Variants in PPARG observed in about 807,000 individuals in gnomAD.
The protein encoded by PPARG is peroxisome proliferator activated receptor gamma, also known as peroxisome proliferator-activated receptor gamma.
In PPARG, 17 loss-of-function variants were observed where a neutral mutation model predicts 39.2. That is an observed-to-expected ratio of 0.43 (90% CI 0.30 to 0.65). The LOEUF (loss-of-function observed/expected upper bound fraction) is 0.65, where lower values mean the gene tolerates loss of function less well. PPARG is among the 30% of genes least tolerant of loss of function. The pLI, the probability that PPARG is intolerant of heterozygous loss-of-function variation, is 0.13. For missense variants in PPARG, 406 were observed against 585.9 expected, an observed-to-expected ratio of 0.69 and a Z score of 3.17; for synonymous variants, 223 against 215.7, an observed-to-expected ratio of 1.03 and a Z score of -0.30.
chr3:12,411,734 C>T (rs2050885146), intron 6 of PPARG, among the ~76,000 whole-genome samples: 1 of 151,996 alleles, frequency 6.6e-6, no homozygotes, highest in Non-Finnish European at 1.5e-5. Context: ...CCCTTATGTC[C>T]TATAAATCTC....
chr3:12,359,674 C>CTTTTT (rs71628752), intron 2 of PPARG, among the ~76,000 whole-genome samples: 19 of 129,826 alleles, frequency 1.5e-4, no homozygotes, highest in South Asian at 2.5e-4. Flanking sequence ...TCTTTTATTT[C>CTTTTT]TTTTTTTTTT....
intron 2 of PPARG, among the ~76,000 whole-genome samples, chr3:12,361,498 C>T (rs2125118997): frequency 6.6e-6 from 1 of 152,240 alleles, no homozygotes; most frequent in Non-Finnish European, 1.5e-5. Context: ...CATTTAGATC[C>T]ATAATCCACA....
intron 4 of PPARG, among the ~76,000 whole-genome samples, chr3:12,385,330 G>A (rs1456812517): frequency 6.6e-6 from 1 of 152,136 alleles, no homozygotes. Context: ...ATTTTACAAT[G>A]TAAATGGAAC....
chr3:12,336,418 T>G (rs2048014948), intron 2 of PPARG, among the ~76,000 whole-genome samples: 1 of 152,122 alleles, frequency 6.6e-6, no homozygotes, highest in Admixed American at 6.5e-5. Context: ...GGACTAGTGA[T>G]GCTGACATCT....
chr3:12,418,873 A>G (rs552182060), intron 7 of PPARG, among the ~76,000 whole-genome samples: 1 of 152,332 alleles, frequency 6.6e-6, no homozygotes, highest in Admixed American at 6.5e-5. Context: ...TGTGAAGTCC[A>G]GGGTCAAGTC....
At chr3:12,401,235 G>A (rs1248239789) in intron 5 of PPARG, among the ~76,000 whole-genome samples, 1 of 152,078 alleles carries the variant, frequency 6.6e-6, no homozygotes, top group East Asian at 1.9e-4. Context: ...AGAACCTAAG[G>A]CTCAAGAATT....
intron 4 of PPARG, among the ~76,000 whole-genome samples, chr3:12,382,062 G>A (rs2049689230): frequency 6.6e-6 from 1 of 152,100 alleles, no homozygotes; most frequent in Non-Finnish European, 1.5e-5. Flanking sequence ...CATTGCAGAT[G>A]TAGAAATTAC....
chr3:12,397,802 C>T (rs1166399179), intron 5 of PPARG, among the ~76,000 whole-genome samples: 1 of 152,040 alleles, frequency 6.6e-6, no homozygotes, highest in Non-Finnish European at 1.5e-5. Context: ...ACTCCTAATG[C>T]ATGTGGCAGT....
At position 12,427,278 on chromosome 3, in the gene PPARG, C is replaced by T. The variant is rs6795126; in HGVS notation, c.1181-6620C>T. Among the ~76,000 whole-genome samples, 340 of 147,092 alleles carry T rather than the reference C, an allele frequency of 2.3e-3. 1 individual carries two copies. The highest frequency in any genetic ancestry group is 8.0e-3 in the African/African-American group (315 of 39,496). Reference sequence around the variant, plus strand: ...TCAAGGAAGTAGTGAATTGGGGCACCGTGGGTTTTTTGTTTTGTTATTGTT... The same window carrying T: ...TCAAGGAAGTAGTGAATTGGGGCACTGTGGGTTTTTTGTTTTGTTATTGTT... On this transcript the variant is annotated intron_variant, in intron 7 of 7. Coordinates refer to ENST00000651735, the MANE Select transcript of PPARG (RefSeq NM_138711.6).
At chr3:12,343,203 A>G (rs192630913) in intron 2 of PPARG, among the ~76,000 whole-genome samples, 55 of 152,276 alleles carry the variant, frequency 3.6e-4, no homozygotes, top group African/African-American at 1.3e-3. Flanking sequence ...GCCCAATACC[A>G]TGGATTCTCA....
At chr3:12,407,125 A>G (rs1287416569) in intron 6 of PPARG, among the ~76,000 whole-genome samples, 1 of 152,142 alleles carries the variant, frequency 6.6e-6, no homozygotes, top group African/African-American at 2.4e-5. Context: ...AGCTTGGATG[A>G]CCTGGATCAT....
chr3:12,388,638 G>T (rs1221771321), intron 4 of PPARG, among the ~76,000 whole-genome samples: 1 of 152,204 alleles, frequency 6.6e-6, no homozygotes, highest in Non-Finnish European at 1.5e-5. Flanking sequence ...GCAAGCATGT[G>T]AGAAGCTAAC....
intron 2 of PPARG, among the ~76,000 whole-genome samples, chr3:12,353,195 G>T (rs1303946604): frequency 2.0e-5 from 3 of 152,124 alleles, no homozygotes; most frequent in African/African-American, 4.8e-5. Flanking sequence ...GAATGATCCA[G>T]TACTTTTCTT....
At chr3:12,407,814 G>A (rs1398810361) in intron 6 of PPARG, among the ~76,000 whole-genome samples, 2 of 152,078 alleles carry the variant, frequency 1.3e-5, no homozygotes, top group Non-Finnish European at 2.9e-5. Flanking sequence ...TGGTAATAAG[G>A]ACAATGAGTT....
chr3:12,340,699 CTT>C (rs2048158387), intron 2 of PPARG, among the ~76,000 whole-genome samples: 1 of 152,194 alleles, frequency 6.6e-6, no homozygotes, highest in Non-Finnish European at 1.5e-5. Flanking sequence ...ATCTTGGACT[CTT>C]TTCCTAAAGC....
At chr3:12,393,190 ATT>A (rs143287325) in intron 5 of PPARG, among the ~76,000 whole-genome samples, 60,811 of 111,492 alleles carry the variant, frequency 0.55, 13,660 homozygotes, top group South Asian at 0.66. Context: ...GATTCATTTA[ATT>A]TTTTTTTTTT....
At chr3:12,365,851 A>G (rs1196003705) in intron 2 of PPARG, among the ~76,000 whole-genome samples, 2 of 152,032 alleles carry the variant, frequency 1.3e-5, no homozygotes. Context: ...CTTCGACTTT[A>G]TTCTTCTTCT....
chr3:12,311,967 A>G (rs890012290), intron 1 of PPARG, among the ~76,000 whole-genome samples: 1 of 152,176 alleles, frequency 6.6e-6, no homozygotes, highest in Non-Finnish European at 1.5e-5. Context: ...CTTCTCAAAC[A>G]TTAACTTTCA....
intron 1 of PPARG, among the ~76,000 whole-genome samples, chr3:12,307,603 A>G (rs1295155561): frequency 6.6e-6 from 1 of 152,206 alleles, no homozygotes; most frequent in African/African-American, 2.4e-5. Context: ...AGATCGTGAA[A>G]TTCCTGGGCT....
Sources: allele counts gnomAD v4.1 joint callset (sites outside exome capture counted in the v4.1 genomes callset), GRCh38; gene constraint gnomAD v4.1.1; transcripts MANE v1.5; gene names NCBI Gene and HGNC (gene_info 2026-07-23, HGNC 2026-07-21).